Variants in TRMT2B observed in about 807,000 individuals in gnomAD.
TRMT2B encodes the protein tRNA methyltransferase 2B.
Under a neutral mutation model 39.7 loss-of-function variants are expected in TRMT2B, and 34 were observed. That is an observed-to-expected ratio of 0.86 (90% CI 0.65 to 1.14). TRMT2B has a LOEUF of 1.14. Ranked by LOEUF, TRMT2B falls within the 50% of genes most tolerant of loss-of-function variation. The pLI, the probability that TRMT2B is intolerant of heterozygous loss-of-function variation, is 0.00. For synonymous variants in TRMT2B, 132 were observed against 137.3 expected (o/e 0.96, Z 0.27); for missense variants, 318 against 377.2 (o/e 0.84, Z 1.30).
At chrX:100,975,767 G>A in the TRMT2B span, among the ~76,000 whole-genome samples, 1 of 109,524 alleles carries the variant, frequency 9.1e-6, no homozygotes, top group South Asian at 4.0e-4. Context: ...CGAGTAGCTG[G>A]GATTACATGT....
At chrX:100,990,378 G>T in the TRMT2B span, 1 of 933,652 alleles carries the variant, frequency 1.1e-6, no homozygotes. Context: ...GAGAAAAACA[G>T]AGGGAAACCA....
Position 101,019,053 on chromosome X carries a change from C to T in TRMT2B, c.1306G>A (p.Ala436Thr), listed in dbSNP as rs781546331. 370 of 1,196,214 alleles carry T rather than the reference C, an allele frequency of 3.1e-4. 1 individual carries two copies. In the South Asian group the frequency reaches 5.5e-3, roughly 18 times the overall value. Residue 436 changes from alanine to threonine, a missense_variant, in exon 13 of 14, where the codon GCC becomes ACC. Physicochemically the swap from Ala to Thr is moderately conservative, Grantham distance 58. Transcript: ENST00000372936. ...RAGLHYKVIQ[A>T]IRNFRAIHTL... ...TGGATGGCCCTGAAGTTTCGAATGGCTTGAATCACCTTGTAATCTGAAGGA... is the reference window on the plus strand; with the variant it reads ...TGGATGGCCCTGAAGTTTCGAATGGTTTGAATCACCTTGTAATCTGAAGGA...
the TRMT2B span, among the ~76,000 whole-genome samples, chrX:100,978,034 T>A: frequency 8.9e-6 from 1 of 112,204 alleles, no homozygotes; most frequent in Non-Finnish European, 1.9e-5. Context: ...GCAGGTGGAT[T>A]GCTGCATCAC....
intron 7 of TRMT2B, among the ~76,000 whole-genome samples, chrX:101,025,573 T>G (rs1365941283): frequency 8.9e-6 from 1 of 111,950 alleles, no homozygotes; most frequent in Non-Finnish European, 1.9e-5. Context: ...TCAATTAAGG[T>G]TGTACTTGAT....
the TRMT2B span, chrX:100,986,900 TAGTA>T: frequency 1.7e-6 from 2 of 1,160,481 alleles, no homozygotes; most frequent in Middle Eastern, 2.4e-4. Flanking sequence ...CCATGCCGAG[TAGTA>T]AGTGTCAACC....
In TRMT2B at chrX:101,051,702, C is replaced by G; in HGVS notation, c.-475G>C. 1.3e-6 allele frequency: 1 copy of G among 755,024 alleles called. No individual in the cohort carries two copies. The highest frequency in any genetic ancestry group is 1.6e-6 in the Non-Finnish European group (1 of 639,537). The allele number at this position is 755,024 out of a possible 1,213,427, so 62.2% of individuals were successfully genotyped here. On this transcript the variant is annotated 5_prime_UTR_variant, in exon 2 of 14. Transcript: ENST00000372936. ...CCCGCCTGCCTCCTCCATTCCCCGC[C>G]CCGCGGACAGTTTGGCATAGTAGGG...
At chrX:100,986,980 A>C in the TRMT2B span, 2 of 650,010 alleles carry the variant, frequency 3.1e-6, no homozygotes, top group Admixed American at 4.2e-5. Context: ...AGTCAGTCCC[A>C]TATGTTGGGT....
chrX:101,004,227 A>T, the TRMT2B span, among the ~76,000 whole-genome samples: 2 of 108,039 alleles, frequency 1.9e-5, no homozygotes, highest in African/African-American at 6.8e-5. Context: ...GGAGAAAAAG[A>T]TTTTAAAACT....
intron 2 of TRMT2B, 59 bp downstream of exon 2, chrX:101,051,192 G>A (rs1453374723): frequency 1.5e-6 from 1 of 672,173 alleles, no homozygotes; most frequent in East Asian, 1.6e-4. Flanking sequence ...TAGGAAGGCA[G>A]GCTAACTCTC....
the TRMT2B span, among the ~76,000 whole-genome samples, chrX:100,980,019 G>A: frequency 1.8e-5 from 2 of 110,925 alleles, no homozygotes; most frequent in East Asian, 5.7e-4. Flanking sequence ...TTGTGGCCAC[G>A]ACCACTGAGA....
intron 2 of TRMT2B, among the ~76,000 whole-genome samples, chrX:101,049,739 G>A (rs1400683072): frequency 9.5e-6 from 1 of 105,588 alleles, no homozygotes; most frequent in East Asian, 3.0e-4. Flanking sequence ...AAAGTGAACC[G>A]AGATCATACC....
downstream of TRMT2B, among the ~76,000 whole-genome samples, chrX:101,004,790 C>T (rs2086089672): frequency 9.0e-6 from 1 of 111,446 alleles, no homozygotes; most frequent in Non-Finnish European, 1.9e-5. Flanking sequence ...TGTGGGCAAC[C>T]GTGCCCGGCC....
At chrX:100,983,276 T>G in the TRMT2B span, among the ~76,000 whole-genome samples, 1 of 111,315 alleles carries the variant, frequency 9.0e-6, no homozygotes, top group Admixed American at 9.5e-5. Flanking sequence ...GAAAAAAATT[T>G]TTTTCTCTGA....
At chrX:100,987,338 C>T in the TRMT2B span, 3 of 1,169,654 alleles carry the variant, frequency 2.6e-6, no homozygotes, top group Non-Finnish European at 2.3e-6. Context: ...TTCTGCGGGC[C>T]CCAGGGGTCC....
intron 7 of TRMT2B, among the ~76,000 whole-genome samples, chrX:101,027,236 C>CTT (rs771559223): frequency 4.0e-5 from 4 of 100,392 alleles, no homozygotes; most frequent in South Asian, 4.5e-4. Context: ...CAGTTTCTTT[C>CTT]TTTTTTTTTT....
chrX:101,022,352 G>A (rs899035172), intron 8 of TRMT2B, among the ~76,000 whole-genome samples: 1 of 110,661 alleles, frequency 9.0e-6, no homozygotes, highest in Non-Finnish European at 1.9e-5. Flanking sequence ...CGGGAGCGGC[G>A]GTTCACACCT....
chrX:101,031,671 G>A (rs1400807087), intron 7 of TRMT2B, among the ~76,000 whole-genome samples: 2 of 104,447 alleles, frequency 1.9e-5, no homozygotes, highest in Non-Finnish European at 3.9e-5. Flanking sequence ...TTGCACCATT[G>A]CACTCTAGCC....
chrX:101,004,886 C>T (rs1250489784), downstream of TRMT2B, among the ~76,000 whole-genome samples: 3 of 111,547 alleles, frequency 2.7e-5, no homozygotes, highest in East Asian at 8.4e-4. Flanking sequence ...AAAAGTTAAA[C>T]ATGAACACAC....
intron 2 of TRMT2B, 76 bp from the exon 3 acceptor site, chrX:101,042,388 C>G: frequency 1.3e-5 from 14 of 1,055,176 alleles, no homozygotes; most frequent in Non-Finnish European, 1.6e-5. Flanking sequence ...CTTATAAACC[C>G]TTATGGAACT....
Sources: gnomAD v4.1 joint callset for allele counts (sites outside exome capture counted in the v4.1 genomes callset) on GRCh38, gnomAD v4.1.1 for gene constraint, MANE v1.5 for transcripts, NCBI Gene and HGNC (gene_info 2026-07-23, HGNC 2026-07-21) for gene names.